The following METTL9 variants were observed in gnomAD, a reference collection of about 807,000 sequenced individuals.
METTL9 encodes protein-L-histidine N-pros-methyltransferase.
A neutral mutation model predicts 36.0 loss-of-function variants in METTL9; 10 were observed. The ratio of observed to expected loss-of-function variants is 0.28; its 90% CI spans 0.17 to 0.47. The LOEUF is 0.47. METTL9 is among the 20% of genes least tolerant of loss of function. The pLI, the probability that METTL9 is intolerant of heterozygous loss-of-function variation, is 0.99. For missense variants in METTL9, 246 were observed against 383.5 expected (o/e 0.64, Z 3.00); for synonymous variants, 175 against 149.7 (o/e 1.17, Z -1.23).
chr16:21,598,404 T>C (rs545417740), upstream of METTL9, among the ~76,000 whole-genome samples: 1 of 149,416 alleles, frequency 6.7e-6, no homozygotes, highest in Non-Finnish European at 1.5e-5. Context: ...TTGTTCCCCA[T>C]CTGTGGCTCA....
chr16:21,620,434 T>TC (rs953777324), intron 3 of METTL9, among the ~76,000 whole-genome samples: 3 of 151,678 alleles, frequency 2.0e-5, no homozygotes, highest in Admixed American at 6.6e-5. Context: ...TGATTCCACC[T>TC]CCCCCCCTTA....
At chr16:21,612,623 C>CTTTTTTTTTTTTTTTTTT (rs576885895) in intron 1 of METTL9, 22 bp from the exon 2 acceptor site, 1 of 1,034,364 alleles carries the variant, frequency 9.7e-7, no homozygotes. Flanking sequence ...AATTTTTGTT[C>CTTTTTTTTTTTTTTTTTT]TTTTTTTTTT....
At chr16:21,597,863 C>T (rs982485852), upstream of METTL9, 1 of 152,640 alleles carries the variant, frequency 6.6e-6, no homozygotes, top group Admixed American at 6.5e-5. Context: ...GAGGTTTGAA[C>T]TAGATTTAGT....
chr16:21,612,175 T>C (rs1272963883), intron 1 of METTL9: 1 of 152,814 alleles, frequency 6.5e-6, no homozygotes, highest in Non-Finnish European at 1.5e-5. Context: ...GTTTGGTGAT[T>C]TTGAGTTAAG....
At chr16:21,648,488 G>C (rs1028853018) in intron 4 of METTL9, among the ~76,000 whole-genome samples, 4 of 152,202 alleles carry the variant, frequency 2.6e-5, no homozygotes, top group African/African-American at 4.8e-5. Context: ...ATGGCTGTTG[G>C]AGAGATGGTT....
intron 4 of METTL9, among the ~76,000 whole-genome samples, chr16:21,638,056 G>A (rs541158504): frequency 1.4e-4 from 22 of 152,344 alleles, no homozygotes; most frequent in African/African-American, 5.3e-4. Flanking sequence ...GGTGGCTTAT[G>A]CCTGTAATCC....
At chr16:21,623,759 G>T (rs1433524523) in intron 3 of METTL9, among the ~76,000 whole-genome samples, 1 of 151,876 alleles carries the variant, frequency 6.6e-6, no homozygotes, top group Non-Finnish European at 1.5e-5. Flanking sequence ...TATCTTTTCT[G>T]TATAGTTTTT....
intron 4 of METTL9, among the ~76,000 whole-genome samples, chr16:21,635,974 C>T (rs773284606): frequency 3.9e-5 from 6 of 152,032 alleles, no homozygotes; most frequent in Non-Finnish European, 7.4e-5. Flanking sequence ...TGCCTGTCCT[C>T]GTAGACCACA....
chr16:21,625,200 T>C, intron 4 of METTL9, 85 bp downstream of exon 4: 1 of 1,413,794 alleles, frequency 7.1e-7, no homozygotes, highest in Non-Finnish European at 1.0e-6. Flanking sequence ...AATTAAATAT[T>C]GTCTAGTATG....
intron 4 of METTL9, chr16:21,627,096 C>T (rs1360140560): frequency 1.0e-4 from 101 of 985,280 alleles, no homozygotes; most frequent in Non-Finnish European, 1.2e-4. Context: ...CTATGGGTGA[C>T]TTTTAGTGAC....
chr16:21,638,367 A>T (rs1966160267), intron 4 of METTL9, among the ~76,000 whole-genome samples: 3 of 152,218 alleles, frequency 2.0e-5, no homozygotes, highest in Admixed American at 2.0e-4. Context: ...ATGCTCAGAT[A>T]GCAGGACAAT....
intron 4 of METTL9, among the ~76,000 whole-genome samples, chr16:21,650,981 T>C (rs562973356): frequency 1.3e-5 from 2 of 152,326 alleles, no homozygotes; most frequent in South Asian, 2.1e-4. Context: ...CCCAGCATTA[T>C]GGGAGGCCGA....
chr16:21,598,318 C>T (rs1236842320), upstream of METTL9, among the ~76,000 whole-genome samples: 1 of 143,874 alleles, frequency 7.0e-6, no homozygotes, highest in Non-Finnish European at 1.5e-5. Context: ...CACTGCACTC[C>T]AGCCTGGAGA....
Position 21,647,102 on chromosome 16 carries a change from G to C in METTL9, c.752-8125G>C, listed in dbSNP as rs760743163. ...TTTACAGGCCTGAACAAGATGCAAT[G>C]ATGCACTGAAATAAAGCCTCGCTGA... On this transcript the variant is annotated intron_variant, in intron 4 of 4. Transcript: ENST00000358154. The C allele has an allele frequency of 1.9e-6, 3 of 1,613,836 alleles. No individual in the cohort carries two copies. The Admixed American group carries it at 5.0e-5, about 27-fold the overall frequency.
In METTL9 at chr16:21,599,769, G is replaced by C; in HGVS notation, c.36G>C (p.Leu12=). The C allele has an allele frequency of 6.5e-7, 1 of 1,542,630 alleles. No homozygotes were observed. Among genetic ancestry groups the C allele is most frequent in the Non-Finnish European group, 8.7e-7 (1 of 1,151,960 alleles). Residue 12 remains leucine (L), a synonymous_variant, in exon 1 of 5, where the codon CTG becomes CTC. Transcript: ENST00000358154. The surrounding 1 kb of genome is among the most constrained non-coding windows in gnomAD (Gnocchi z 4.4). ...RLLAGWLCLS[L]ASVWLARRMW... ...TGGCGGGCTGGCTGTGCCTGAGCCT[G>C]GCGTCCGTGTGGCTGGCGCGGAGGA...
Position 21,643,024 on chromosome 16 carries a change from A to C in METTL9, c.752-12203A>C, listed in dbSNP as rs766232419. ...GCTCCTTGGCAGCTTAGTTTTTTCA[A>C]ACGTGCTTTATATCTGTATTTACAT... On this transcript the variant is annotated intron_variant, in intron 4 of 4. Coordinates refer to ENST00000358154, the MANE Select transcript of METTL9 (RefSeq NM_016025.5). 9.2e-6 allele frequency: 12 copies of C among 1,303,004 alleles called. No individual in the cohort carries two copies. In the South Asian group the frequency reaches 1.2e-4, roughly 13 times the overall value. The allele number at this position is 1,303,004 out of a possible 1,614,324, so 80.7% of individuals were successfully genotyped here. A position where few individuals can be genotyped will look rare whatever the true frequency, so the allele number is the denominator to read the frequency against.
At chr16:21,644,149 G>C (rs911693086) in intron 4 of METTL9, 39 of 615,616 alleles carry the variant, frequency 6.3e-5, no homozygotes, top group Non-Finnish European at 9.2e-5. Flanking sequence ...TTCTGCAGGT[G>C]GTGTTCCCTG....
chr16:21,617,520 G>A (rs1324936883), intron 2 of METTL9, among the ~76,000 whole-genome samples: 2 of 151,996 alleles, frequency 1.3e-5, no homozygotes, highest in African/African-American at 4.8e-5. Flanking sequence ...CTGAGGTCAG[G>A]AGTTCGAGAC....
At chr16:21,654,984 C>T in intron 4 of METTL9, 1 of 522,360 alleles carries the variant, frequency 1.9e-6, no homozygotes, top group South Asian at 2.3e-5. Context: ...CAAACCTGGG[C>T]TTACATTTCC....
Sources: allele counts gnomAD v4.1 joint callset (sites outside exome capture counted in the v4.1 genomes callset), GRCh38; gene constraint gnomAD v4.1.1; non-coding constraint Gnocchi (gnomAD v3.1); transcripts MANE v1.5; gene names NCBI Gene and HGNC (gene_info 2026-07-23, HGNC 2026-07-21).